The following MTHFD1 variants were observed in gnomAD, a reference collection of about 807,000 sequenced individuals.
MTHFD1 encodes the protein C-1-tetrahydrofolate synthase, cytoplasmic.
A neutral mutation model predicts 110.3 loss-of-function variants in MTHFD1; 44 were observed. The ratio of observed to expected loss-of-function variants is 0.40; its 90% CI spans 0.31 to 0.51. MTHFD1 has a LOEUF of 0.51. MTHFD1 is among the 20% of genes least tolerant of loss of function. The pLI, the probability that MTHFD1 is intolerant of heterozygous loss-of-function variation, is 0.60. For synonymous variants in MTHFD1, 402 were observed against 428.8 expected (o/e 0.94, Z 0.77); for missense variants, 909 against 1,173.1 (o/e 0.77, Z 3.29).
chr14:64,397,183 ATATATAT>A (rs1280366793), intron 1 of MTHFD1, among the ~76,000 whole-genome samples: 33 of 13,566 alleles, frequency 2.4e-3, no homozygotes, highest in African/African-American at 0.01. Context: ...ATATATATAT[ATATATAT>A]AAAAAACAGT....
intron 12 of MTHFD1, among the ~76,000 whole-genome samples, chr14:64,428,555 CT>C (rs34456417): frequency 0.72 from 96,593 of 133,788 alleles, 34,539 homozygotes; most frequent in East Asian, 0.84. Context: ...ACCCTTCCAC[CT>C]TTTTTTTTTT....
intron 26 of MTHFD1, 78 bp from the exon 27 acceptor site, chr14:64,458,136 T>C: frequency 8.7e-7 from 1 of 1,147,860 alleles, no homozygotes; most frequent in Middle Eastern, 1.9e-4. Context: ...AGTGATCCTC[T>C]CCACCTCAGC....
In MTHFD1 at chr14:64,442,123, G is replaced by C. The variant is rs1324764217; in HGVS notation, c.1954G>C (p.Asp652His). 6.2e-7 allele frequency: 1 copy of C among 1,614,168 alleles called. No individual in the cohort carries two copies. The highest frequency in any genetic ancestry group is 2.2e-5 in the East Asian group (1 of 44,870). Residue 652 changes from aspartate (D) to histidine (H), a missense_variant, in exon 20 of 28, where the codon GAC becomes CAC. Around this residue, in one of 3 missense-constraint regions of MTHFD1, gnomAD observed 482 missense variants for 646.0 expected, o/e 0.75. Coordinates refer to ENST00000652337, the MANE Select transcript of MTHFD1 (RefSeq NM_005956.4). ...IAHGNSSIIA[D>H]RIALKLVGPE... ...ACATGGCAATTCCTCCATCATTGCA[G>C]ACCGGATCGCACTCAAGCTTGTTGG... is the stretch of plus-strand genomic sequence containing the variant.
chr14:64,430,728 A>G (rs2078151621), intron 13 of MTHFD1, among the ~76,000 whole-genome samples: 1 of 152,248 alleles, frequency 6.6e-6, no homozygotes, highest in Admixed American at 6.5e-5. Flanking sequence ...CTTGTGATAC[A>G]GCTTGGTTTC....
chr14:64,448,486 C>A, intron 23 of MTHFD1, 169 bp downstream of exon 23: 1 of 654,260 alleles, frequency 1.5e-6, no homozygotes, highest in Non-Finnish European at 2.8e-6. Flanking sequence ...GGGCTCACCA[C>A]CTCACCCACT....
intron 15 of MTHFD1, among the ~76,000 whole-genome samples, chr14:64,433,315 C>T (rs549700968): frequency 3.0e-4 from 46 of 152,254 alleles, no homozygotes; most frequent in Admixed American, 2.7e-3. Context: ...GAGAAGGTTT[C>T]ATCATGTTGG....
At chr14:64,409,585 G>C (rs1412945255) in intron 2 of MTHFD1, among the ~76,000 whole-genome samples, 2 of 152,126 alleles carry the variant, frequency 1.3e-5, no homozygotes, top group Non-Finnish European at 2.9e-5. Flanking sequence ...AGTGAGGGTT[G>C]GGTGGTGGGG....
At position 64,400,779 on chromosome 14, in the gene MTHFD1, T is replaced by C; in HGVS notation, c.42-14T>C. 1 of 1,583,564 alleles carries C rather than the reference T, an allele frequency of 6.3e-7. No individual in the cohort carries two copies. The highest frequency in any genetic ancestry group is 1.1e-5 in the South Asian group (1 of 90,150). On this transcript the variant is annotated splice_polypyrimidine_tract_variant and intron_variant, in intron 1 of 27. Transcript: ENST00000652337. Reference sequence around the variant, plus strand: ...AACATTCAGTGTTAACCCCACCCTTTCCTTTTTCTCTAGGCAAATAAGGGC... The same window carrying C: ...AACATTCAGTGTTAACCCCACCCTTCCCTTTTTCTCTAGGCAAATAAGGGC...
intron 13 of MTHFD1, among the ~76,000 whole-genome samples, chr14:64,430,615 T>C (rs1328154824): frequency 6.6e-6 from 1 of 152,154 alleles, no homozygotes; most frequent in African/African-American, 2.4e-5. Flanking sequence ...TATTATAGCT[T>C]TTTCTCTCTG....
At chr14:64,434,628 A>G (rs1255095206) in intron 15 of MTHFD1, among the ~76,000 whole-genome samples, 2 of 152,162 alleles carry the variant, frequency 1.3e-5, no homozygotes, top group East Asian at 3.9e-4. Context: ...CGTCCTTCAC[A>G]CATCTCCTGC....
chr14:64,425,633 C>G, intron 9 of MTHFD1, 97 bp from the exon 10 acceptor site: 1 of 1,001,402 alleles, frequency 1.0e-6, no homozygotes, highest in East Asian at 2.4e-5. Context: ...TGAAGCAGTT[C>G]ATTTTGTGAT....
At chr14:64,451,525 A>G (rs1206553875) in intron 24 of MTHFD1, among the ~76,000 whole-genome samples, 1 of 152,252 alleles carries the variant, frequency 6.6e-6, no homozygotes, top group Non-Finnish European at 1.5e-5. Context: ...AAATCTGTTC[A>G]GCAATCATCC....
chr14:64,429,996 C>T (rs926172059), intron 12 of MTHFD1, among the ~76,000 whole-genome samples, 188 bp from the exon 13 acceptor site: 1 of 152,076 alleles, frequency 6.6e-6, no homozygotes, highest in Non-Finnish European at 1.5e-5. Flanking sequence ...ATGGTTTTGT[C>T]ATTTAAACTC....
chr14:64,435,255 C>G (rs1188929567), intron 15 of MTHFD1, among the ~76,000 whole-genome samples: 1 of 152,070 alleles, frequency 6.6e-6, no homozygotes, highest in Non-Finnish European at 1.5e-5. Flanking sequence ...AGCTTCACGC[C>G]TAGCTGAAGC....
At position 64,458,904 on chromosome 14, in the gene MTHFD1, G is replaced by A. The variant is rs539973929; in HGVS notation, c.*4+597G>A. On this transcript the variant is annotated intron_variant, in intron 27 of 27. Transcript: ENST00000652337. ...ACCCTTGGGGCTGAAGCAGCAAGTT[G>A]CAGTGTGCACTTATATCCCTAGACA... 3.9e-5 allele frequency among the ~76,000 whole-genome samples: 6 copies of A among 152,298 alleles called. No individual in the cohort carries two copies. In the East Asian group the frequency reaches 1.2e-3, roughly 29 times the overall value.
intron 1 of MTHFD1, 111 bp downstream of exon 1, chr14:64,388,579 A>G: frequency 2.0e-6 from 2 of 990,110 alleles, no homozygotes; most frequent in Non-Finnish European, 3.2e-6. Context: ...CGGAAGAGTT[A>G]GGCCCATAAC....
At chr14:64,439,438 T>C in intron 17 of MTHFD1, 1 of 511,260 alleles carries the variant, frequency 2.0e-6, no homozygotes. Context: ...TAGAAATTGA[T>C]TAAAATTGCT....
In MTHFD1 at chr14:64,444,715, C is replaced by T. The variant is rs779817573; in HGVS notation, c.2159C>T (p.Pro720Leu). 13 of 1,613,944 alleles carry T rather than the reference C, an allele frequency of 8.1e-6. No homozygotes were observed. The highest frequency in any genetic ancestry group is 1.0e-5 in the Non-Finnish European group (12 of 1,179,990). ...GPTVTAGLPL[P>L]KAYIQENLEL... ...CAGGTCACTGCTGGACTGCCTCTTC[C>T]CAAGGCTTACATACAGGAGGTAACC... The change falls in exon 22 of 28, where the codon CCC becomes CTC. Residue 720 changes from proline (P) to leucine (L), a missense_variant. Coordinates refer to ENST00000652337, the MANE Select transcript of MTHFD1 (RefSeq NM_005956.4).
Position 64,425,787 on chromosome 14 carries a change from A to C in MTHFD1, c.913A>C (p.Ile305Leu). The change falls in exon 10 of 28, where the codon ATT becomes CTT. Residue 305 changes from isoleucine to leucine, a missense_variant. Coordinates refer to ENST00000652337, the MANE Select transcript of MTHFD1 (RefSeq NM_005956.4). ...GAAATTTAAGCCAGGAAAGTGGATGATTCAGTATAACAACCTTAACCTCAA... is the reference window on the plus strand; with the variant it reads ...GAAATTTAAGCCAGGAAAGTGGATGCTTCAGTATAACAACCTTAACCTCAA... ...LEKFKPGKWM[I>L]QYNNLNLKTP... The C allele has an allele frequency of 6.2e-7, 1 of 1,613,840 alleles. No homozygotes were observed. Among genetic ancestry groups the C allele is most frequent in the Non-Finnish European group, 8.5e-7 (1 of 1,180,008 alleles).
Sources: allele counts gnomAD v4.1 joint callset (sites outside exome capture counted in the v4.1 genomes callset), GRCh38; gene constraint gnomAD v4.1.1; regional missense constraint gnomAD v4.1.1; transcripts MANE v1.5; gene names NCBI Gene and HGNC (gene_info 2026-07-23, HGNC 2026-07-21).